The following LSAMP variants were observed in gnomAD, a reference collection of about 807,000 sequenced individuals.
LSAMP encodes the protein limbic system associated membrane protein.
Under a neutral mutation model 38.6 loss-of-function variants are expected in LSAMP, and 7 were observed. The ratio of observed to expected loss-of-function variants is 0.18; its 90% CI spans 0.10 to 0.34. The LOEUF is 0.34. Ranked by LOEUF, LSAMP falls within the 10% of genes least tolerant of loss-of-function variation. The pLI, the probability that LSAMP is intolerant of heterozygous loss-of-function variation, is 1.00. For missense variants in LSAMP, 313 were observed against 420.0 expected, an observed-to-expected ratio of 0.75 and a Z score of 2.23; for synonymous variants, 154 against 166.8, an observed-to-expected ratio of 0.92 and a Z score of 0.59.
chr3:115,822,398 T>C (rs1229813752), intron 6 of LSAMP, among the ~76,000 whole-genome samples: 1 of 150,882 alleles, frequency 6.6e-6, no homozygotes, highest in Non-Finnish European at 1.5e-5. Context: ...TTCGCTCTTT[T>C]TGCCCAGGCT....
intron 3 of LSAMP, among the ~76,000 whole-genome samples, chr3:115,889,412 G>A (rs1432353648): frequency 6.6e-6 from 1 of 151,854 alleles, no homozygotes; most frequent in Non-Finnish European, 1.5e-5. Flanking sequence ...TGGGATTCTG[G>A]TGCTCCAATT....
chr3:115,892,211 C>T (rs1936616019), intron 3 of LSAMP, among the ~76,000 whole-genome samples: 1 of 151,930 alleles, frequency 6.6e-6, no homozygotes, highest in Non-Finnish European at 1.5e-5. Flanking sequence ...AGCAGAATAG[C>T]TACATATTTT....
At chr3:116,348,401 T>C (rs1297418818) in intron 1 of LSAMP, among the ~76,000 whole-genome samples, 1 of 152,168 alleles carries the variant, frequency 6.6e-6, no homozygotes, top group African/African-American at 2.4e-5. Context: ...GATTTCACTG[T>C]CATGCATTTA....
At chr3:116,430,705 A>T (rs977878736) in intron 1 of LSAMP, among the ~76,000 whole-genome samples, 6 of 151,998 alleles carry the variant, frequency 3.9e-5, no homozygotes, top group African/African-American at 1.4e-4. Flanking sequence ...TTATTTTATA[A>T]AGAACCAGAG....
chr3:116,241,297 G>C (rs1024030816), intron 1 of LSAMP, among the ~76,000 whole-genome samples: 2 of 151,866 alleles, frequency 1.3e-5, no homozygotes, highest in African/African-American at 4.8e-5. Flanking sequence ...GGGCGCAGTG[G>C]CTCATGCCTG....
intron 1 of LSAMP, among the ~76,000 whole-genome samples, chr3:116,162,474 C>T (rs912884302): frequency 6.6e-6 from 1 of 152,088 alleles, no homozygotes; most frequent in Non-Finnish European, 1.5e-5. Flanking sequence ...TTAAGACTCA[C>T]TTTGTTATCA....
chr3:115,912,192 C>A (rs1012155064), intron 3 of LSAMP, among the ~76,000 whole-genome samples: 1 of 152,116 alleles, frequency 6.6e-6, no homozygotes, highest in African/African-American at 2.4e-5. Flanking sequence ...CTTTTACGGA[C>A]CATGCTTTTG....
At chr3:116,249,774 C>T (rs1460952888) in intron 1 of LSAMP, among the ~76,000 whole-genome samples, 1 of 152,000 alleles carries the variant, frequency 6.6e-6, no homozygotes, top group Non-Finnish European at 1.5e-5. Flanking sequence ...ATAATAGACC[C>T]CATTAGATCA....
chr3:116,269,976 A>G (rs966813204), intron 1 of LSAMP, among the ~76,000 whole-genome samples: 1 of 152,140 alleles, frequency 6.6e-6, no homozygotes, highest in African/African-American at 2.4e-5. Flanking sequence ...GGGGCATTCT[A>G]TTTAAAGATT....
intron 3 of LSAMP, among the ~76,000 whole-genome samples, chr3:115,988,032 G>A (rs1348967553): frequency 6.6e-6 from 1 of 152,024 alleles, no homozygotes; most frequent in Non-Finnish European, 1.5e-5. Flanking sequence ...CTGACTGGAT[G>A]ACTTCTTATT....
rs539873862 is a variant in LSAMP at position 115,992,458 on chromosome 3, G to A, written c.514+27057C>T. On this transcript the variant is annotated intron_variant, in intron 3 of 6. Coordinates refer to ENST00000490035, the MANE Select transcript of LSAMP (RefSeq NM_002338.5). ...TTGGGCTCCTACAAGTGAGTAGGAC[G>A]ATCAAAGACACCCTCCCTCTTCTAT... Among the ~76,000 whole-genome samples, 167 of 152,126 alleles carry A rather than the reference G, an allele frequency of 1.1e-3. 2 individuals carry two copies. The highest frequency in any genetic ancestry group is 9.8e-3 in the Admixed American group (149 of 15,248).
At chr3:115,947,867 CT>C (rs2107571624) in intron 3 of LSAMP, among the ~76,000 whole-genome samples, 1 of 152,288 alleles carries the variant, frequency 6.6e-6, no homozygotes, top group African/African-American at 2.4e-5. Flanking sequence ...GATATAACAG[CT>C]TCCTTAGGCA....
chr3:116,342,657 G>A (rs1375062240), intron 1 of LSAMP, among the ~76,000 whole-genome samples: 1 of 152,026 alleles, frequency 6.6e-6, no homozygotes, highest in African/African-American at 2.4e-5. Context: ...GAAAATAGCT[G>A]CAGCATAGTC....
chr3:115,820,245 C>G (rs537001398), intron 6 of LSAMP, among the ~76,000 whole-genome samples: 5 of 152,140 alleles, frequency 3.3e-5, no homozygotes, highest in African/African-American at 1.2e-4. Flanking sequence ...CAACCTGGAA[C>G]CTATGATTTT....
chr3:115,956,365 G>T (rs955547529), intron 3 of LSAMP, among the ~76,000 whole-genome samples: 3 of 151,514 alleles, frequency 2.0e-5, no homozygotes, highest in African/African-American at 4.9e-5. Context: ...AGTTCCAGTT[G>T]TAGTCCATCT....
intron 3 of LSAMP, among the ~76,000 whole-genome samples, chr3:115,894,259 C>T (rs531179642): frequency 6.6e-6 from 1 of 152,116 alleles, no homozygotes; most frequent in South Asian, 2.1e-4. Context: ...TTTTACTCAC[C>T]ACTAACAATT....
intron 3 of LSAMP, among the ~76,000 whole-genome samples, chr3:115,875,318 T>C (rs1310865532): frequency 6.6e-6 from 1 of 152,132 alleles, no homozygotes; most frequent in Non-Finnish European, 1.5e-5. Context: ...CTCTCACTCA[T>C]TGCTGTACCG....
intron 1 of LSAMP, among the ~76,000 whole-genome samples, chr3:116,376,724 A>C (rs1336661724): frequency 6.6e-6 from 1 of 152,128 alleles, no homozygotes; most frequent in African/African-American, 2.4e-5. Flanking sequence ...GAAAGAAAAC[A>C]CATTTCAAAG....
chr3:115,928,779 TGTAACCGTGGATCCCAGGTCACA>T (rs1433713908), intron 3 of LSAMP, among the ~76,000 whole-genome samples: 2 of 152,224 alleles, frequency 1.3e-5, no homozygotes, highest in East Asian at 3.9e-4. Flanking sequence ...AATTATATTC[TGTAACCGTGGATCCCAGGTCACA>T]GGCCAGTGAA....
Sources: allele counts gnomAD v4.1 joint callset (sites outside exome capture counted in the v4.1 genomes callset), GRCh38; gene constraint gnomAD v4.1.1; transcripts MANE v1.5; gene names NCBI Gene and HGNC (gene_info 2026-07-23, HGNC 2026-07-21).